Variants in SETD5 observed in about 807,000 individuals in gnomAD.
The protein encoded by SETD5 is histone-lysine N-methyltransferase SETD5.
SETD5 carries 44 observed loss-of-function variants against 153.3 expected under a neutral mutation model. That is an observed-to-expected ratio of 0.29 (90% confidence interval 0.23 to 0.37). The LOEUF is 0.37. Among genes scored for constraint, SETD5 ranks in the 10% least tolerant of loss-of-function variants. SETD5 has a pLI of 1.00. For synonymous variants in SETD5, 716 were observed against 645.2 expected (o/e 1.11, Z -1.66); for missense variants, 1,544 against 1,768.0 (o/e 0.87, Z 2.27).
chr3:9,417,500 C>T (rs1376070122), intron 1 of SETD5, among the ~76,000 whole-genome samples: 1 of 150,702 alleles, frequency 6.6e-6, no homozygotes, highest in African/African-American at 2.4e-5. Flanking sequence ...TTTTTTTTCC[C>T]CCCGAGACGG....
chr3:9,398,141 C>T, intron 1 of SETD5, among the ~76,000 whole-genome samples, 164 bp downstream of exon 1: 1 of 151,700 alleles, frequency 6.6e-6, no homozygotes, highest in East Asian at 2.0e-4. Flanking sequence ...CGCCGCCTTG[C>T]ACACACCGTT....
intron 1 of SETD5, among the ~76,000 whole-genome samples, 164 bp from the exon 2 acceptor site, chr3:9,424,303 A>C (rs1482704680): frequency 6.6e-6 from 1 of 152,228 alleles, no homozygotes; most frequent in Non-Finnish European, 1.5e-5. Context: ...TTAAAGGGCA[A>C]AAAATTCAGT....
Position 9,442,257 on chromosome 3 carries a change from G to A in SETD5, c.1077+12G>A. 6.4e-7 allele frequency: 1 copy of A among 1,559,352 alleles called. No homozygotes were observed. The highest frequency in any genetic ancestry group is 8.8e-7 in the Non-Finnish European group (1 of 1,133,690). Reference sequence around the variant, plus strand: ...CACCAAATGCAGAGGTAAGATATCTGTAGCAACTTCCCTTTGACTGGAACC... The same window carrying A: ...CACCAAATGCAGAGGTAAGATATCTATAGCAACTTCCCTTTGACTGGAACC... On this transcript the variant is annotated intron_variant, in intron 10 of 22. Transcript: ENST00000402198.
At chr3:9,472,993 G>T (rs2045488962) in intron 19 of SETD5, among the ~76,000 whole-genome samples, 1 of 152,172 alleles carries the variant, frequency 6.6e-6, no homozygotes, top group Non-Finnish European at 1.5e-5. Context: ...ATTCTTTAGA[G>T]ACTTGCCTCC....
At position 9,464,494 on chromosome 3, in the gene SETD5, G is replaced by A. The variant is rs780808239; in HGVS notation, c.2546G>A (p.Arg849Gln). The change falls in exon 18 of 23, where the codon CGG (arginine) becomes CAG (glutamine). Residue 849 changes from arginine (R) to glutamine (Q), a missense_variant. Arg to Gln is a conservative substitution (Grantham distance 43, BLOSUM62 1). Around this residue, in one of 9 missense-constraint regions of SETD5, gnomAD observed 782 missense variants for 787.2 expected, o/e 0.99. Coordinates refer to ENST00000402198, the MANE Select transcript of SETD5 (RefSeq NM_001080517.3). ...LMEQNVTKLL[R>Q]PLSPVTPPPP... ...GAGCAGAATGTCACCAAGTTACTTCGGCCTCTGTCTCCAGTCACACCACCC... is the reference window on the plus strand; with the variant it reads ...GAGCAGAATGTCACCAAGTTACTTCAGCCTCTGTCTCCAGTCACACCACCC... 4.3e-6 allele frequency: 7 copies of A among 1,613,772 alleles called. No individual in the cohort carries two copies. Among genetic ancestry groups the A allele is most frequent in the East Asian group, 2.2e-5 (1 of 44,892 alleles).
chr3:9,400,160 T>C (rs2034525342), intron 1 of SETD5, among the ~76,000 whole-genome samples: 3 of 152,238 alleles, frequency 2.0e-5, no homozygotes, highest in Admixed American at 2.0e-4. Context: ...ATTCATAATC[T>C]CCTACCCATT....
chr3:9,463,747 T>G (rs1232055902), intron 17 of SETD5, among the ~76,000 whole-genome samples: 1 of 152,206 alleles, frequency 6.6e-6, no homozygotes, highest in Non-Finnish European at 1.5e-5. Context: ...GGAATTTGGA[T>G]TTAGCATCCC....
rs554306140 is a variant in SETD5, at chr3:9,446,358, G to T, written c.1524+618G>T. ...TCAGAATCAAAATGTATTATAGTTG[G>T]TTTGCTCTGAATTAGGAATTTTCTA... On this transcript the variant is annotated intron_variant, in intron 13 of 22. Transcript: ENST00000402198. Among the ~76,000 whole-genome samples, 4 of 151,032 alleles carry T rather than the reference G, an allele frequency of 2.6e-5. No homozygotes were observed. In the East Asian group the frequency reaches 5.8e-4, roughly 22 times the overall value.
intron 3 of SETD5, chr3:9,433,317 T>G: frequency 5.0e-5 from 60 of 1,196,798 alleles, no homozygotes; most frequent in Non-Finnish European, 6.1e-5. Context: ...TTCATCAAGA[T>G]GAGAGGTATG....
chr3:9,450,306 G>A (rs1468170856), intron 16 of SETD5, among the ~76,000 whole-genome samples: 2 of 152,068 alleles, frequency 1.3e-5, no homozygotes, highest in African/African-American at 4.8e-5. Context: ...ATTTATACAG[G>A]CTCTACTCAA....
At chr3:9,433,288 A>G in intron 3 of SETD5, 1 of 937,460 alleles carries the variant, frequency 1.1e-6, no homozygotes, top group Non-Finnish European at 1.5e-6. Context: ...TTACTCTAAT[A>G]TTTGAAAGGT....
At chr3:9,421,447 G>A (rs367933275) in intron 1 of SETD5, among the ~76,000 whole-genome samples, 43 of 152,030 alleles carry the variant, frequency 2.8e-4, no homozygotes, top group African/African-American at 1.0e-3. Context: ...CTCTAAGAGT[G>A]CTTTTTCCTA....
rs191016596 is a variant in SETD5, at chr3:9,406,065, T to G, written c.-177+8088T>G. Among the ~76,000 whole-genome samples the G allele has an allele frequency of 2.8e-4, 43 of 152,318 alleles. No individual in the cohort carries two copies. The East Asian group carries it at 8.1e-3, about 29-fold the overall frequency. On this transcript the variant is annotated intron_variant, in intron 1 of 22. Coordinates refer to ENST00000402198, the MANE Select transcript of SETD5 (RefSeq NM_001080517.3). ...TTGGCAATTAGACTACTTCTGCGTT[T>G]ATTTTACATTTTCCCTTATTAACGT...
intron 1 of SETD5, among the ~76,000 whole-genome samples, chr3:9,411,283 A>G (rs1043292702): frequency 6.6e-6 from 1 of 152,184 alleles, no homozygotes; most frequent in African/African-American, 2.4e-5. Context: ...CCTGAAATGT[A>G]TGTTATTTAG....
intron 17 of SETD5, among the ~76,000 whole-genome samples, chr3:9,461,281 C>T (rs1237350598): frequency 6.6e-6 from 1 of 152,100 alleles, no homozygotes. Context: ...TTTGATAATA[C>T]TAATGTTGTG....
intron 7 of SETD5, chr3:9,436,941 T>G (rs749058710): frequency 3.3e-6 from 5 of 1,495,716 alleles, no homozygotes; most frequent in Non-Finnish European, 4.5e-6. Flanking sequence ...GATCTTGCAT[T>G]TTGGTCAGCT....
intron 1 of SETD5, among the ~76,000 whole-genome samples, chr3:9,407,058 C>T (rs960144237): frequency 1.1e-4 from 17 of 152,154 alleles, no homozygotes; most frequent in African/African-American, 3.6e-4. Context: ...CCAGGCGTGG[C>T]GGCTCACACT....
intron 13 of SETD5, 91 bp downstream of exon 13, chr3:9,445,831 C>T (rs1008081454): frequency 2.4e-6 from 2 of 824,192 alleles, no homozygotes; most frequent in Admixed American, 5.9e-5. Context: ...TGTATCATCT[C>T]ATTGATTTGA....
rs1365569982 is a variant in SETD5 at position 9,447,732 on chromosome 3, C to A, written c.1829C>A (p.Pro610His). ...GTCCCCAAGCCACCTCCAGCAAAGC[C>A]TTCTAGGCCCCGGCCGAAGAGTCGA... ...KLVPKPPPAKPSRPRPKSRIS... is the reference protein window; with the variant it reads ...KLVPKPPPAKHSRPRPKSRIS... Residue 610 changes from proline to histidine, a missense_variant, in exon 15 of 23, where the codon CCT becomes CAT. Physicochemically the swap from Pro to His is moderately conservative, Grantham distance 77. Transcript: ENST00000402198. The A allele has an allele frequency of 6.2e-7, 1 of 1,613,842 alleles. No individual in the cohort carries two copies. The highest frequency in any genetic ancestry group is 8.5e-7 in the Non-Finnish European group (1 of 1,179,900).
Sources: gnomAD v4.1 joint callset for allele counts (sites outside exome capture counted in the v4.1 genomes callset) on GRCh38, gnomAD v4.1.1 for gene constraint, gnomAD v4.1.1 regional missense constraint, MANE v1.5 for transcripts, NCBI Gene and HGNC (gene_info 2026-07-23, HGNC 2026-07-21) for gene names.